FSTL5: variants seen among roughly 807,000 people sequenced by gnomAD.
FSTL5 encodes the protein follistatin like 5, also known as follistatin-related protein 5.
Under a neutral mutation model 89.1 loss-of-function variants are expected in FSTL5, and 62 were observed. That is an observed-to-expected ratio of 0.70 (90% CI 0.57 to 0.86). FSTL5 has a LOEUF of 0.86. Among genes scored for constraint, FSTL5 ranks in the 40% least tolerant of loss-of-function variants. The pLI is 0.00. For missense variants in FSTL5, 1,057 were observed against 1,001.6 expected (o/e 1.06, Z -0.75); for synonymous variants, 383 against 346.2 (o/e 1.11, Z -1.18).
chr4:162,053,910 T>G (rs1738459887), intron 2 of FSTL5, among the ~76,000 whole-genome samples: 1 of 151,718 alleles, frequency 6.6e-6, no homozygotes, highest in Admixed American at 6.6e-5. Flanking sequence ...CTATGCAAAT[T>G]TTTTCCAGAG....
chr4:161,829,139 T>TTATATA (rs56839306), intron 4 of FSTL5, among the ~76,000 whole-genome samples: 29,276 of 139,568 alleles, frequency 0.21, 3,162 homozygotes, highest in Admixed American at 0.24. Context: ...CAGTCACATT[T>TTATATA]TATATATATA....
At chr4:161,400,074 C>T (rs1374983436) in intron 15 of FSTL5, among the ~76,000 whole-genome samples, 2 of 151,962 alleles carry the variant, frequency 1.3e-5, no homozygotes, top group African/African-American at 4.8e-5. Context: ...ACTTTTATTT[C>T]ATTTCTTCAC....
chr4:162,028,147 G>A lies in FSTL5; in HGVS notation c.160+5478C>T, dbSNP rs1026065658. On this transcript the variant is annotated intron_variant, in intron 3 of 15. Transcript: ENST00000306100. Reference sequence around the variant, plus strand: ...ATATTTTCAAGGAGTAAGTTTTCTCGTCTTCTAGGTACTTGAGGATTATAA... The same window carrying A: ...ATATTTTCAAGGAGTAAGTTTTCTCATCTTCTAGGTACTTGAGGATTATAA... Among the ~76,000 whole-genome samples the A allele has an allele frequency of 1.3e-4, 20 of 152,138 alleles. No individual in the cohort carries two copies. The East Asian group carries it at 2.1e-3, about 16-fold the overall frequency.
At chr4:161,815,630 C>G (rs1391940921) in intron 4 of FSTL5, among the ~76,000 whole-genome samples, 1 of 151,810 alleles carries the variant, frequency 6.6e-6, no homozygotes, top group African/African-American at 2.4e-5. Context: ...CTTTATTCAG[C>G]TACCCACATA....
intron 2 of FSTL5, among the ~76,000 whole-genome samples, chr4:162,075,306 T>C (rs1317793726): frequency 6.6e-6 from 1 of 151,824 alleles, no homozygotes; most frequent in African/African-American, 2.4e-5. Context: ...GTTGGGTTTC[T>C]CCAATTAGAT....
intron 10 of FSTL5, among the ~76,000 whole-genome samples, chr4:161,527,403 A>G (rs1731261655): frequency 6.6e-6 from 1 of 152,208 alleles, no homozygotes; most frequent in African/African-American, 2.4e-5. Context: ...CATCTGACAA[A>G]GGGCTAATAG....
chr4:161,683,366 CAT>C (rs772399560), intron 6 of FSTL5, among the ~76,000 whole-genome samples: 1 of 151,984 alleles, frequency 6.6e-6, no homozygotes, highest in Non-Finnish European at 1.5e-5. Context: ...TTGATATTAA[CAT>C]ATATAAAATA....
At chr4:162,033,375 G>GA (rs1384085240) in intron 3 of FSTL5, among the ~76,000 whole-genome samples, 1 of 151,940 alleles carries the variant, frequency 6.6e-6, no homozygotes, top group African/African-American at 2.4e-5. Context: ...ACAATATAGG[G>GA]AAAAAACAAT....
At chr4:161,507,617 ATT>A (rs1578885657) in intron 11 of FSTL5, among the ~76,000 whole-genome samples, 1 of 151,712 alleles carries the variant, frequency 6.6e-6, no homozygotes, top group Non-Finnish European at 1.5e-5. Context: ...TAGTATTGTC[ATT>A]TTATACTCCT....
intron 1 of FSTL5, among the ~76,000 whole-genome samples, chr4:162,127,000 T>A (rs79492449): frequency 0.14 from 20,852 of 152,114 alleles, 1,947 homozygotes; most frequent in Non-Finnish European, 0.19. Context: ...CTGTCGTGGT[T>A]TTTTTAAGCA....
intron 3 of FSTL5, among the ~76,000 whole-genome samples, chr4:161,946,547 C>T (rs1264337446): frequency 2.6e-5 from 4 of 152,132 alleles, no homozygotes; most frequent in Non-Finnish European, 5.9e-5. Flanking sequence ...TTTCATTCAA[C>T]ATCATGTGAC....
intron 6 of FSTL5, among the ~76,000 whole-genome samples, chr4:161,687,527 G>A (rs1737787721): frequency 6.6e-6 from 1 of 152,014 alleles, no homozygotes; most frequent in South Asian, 2.1e-4. Flanking sequence ...TGAATGTCTA[G>A]GTCAGTATTT....
chr4:161,763,588 T>C (rs550599558), intron 5 of FSTL5, among the ~76,000 whole-genome samples: 1 of 152,278 alleles, frequency 6.6e-6, no homozygotes, highest in Admixed American at 6.5e-5. Flanking sequence ...TGTCCACTTA[T>C]TTACTCTCTT....
At chr4:161,542,782 TAAA>T in intron 8 of FSTL5, 89 bp from the exon 9 acceptor site, 1 of 708,300 alleles carries the variant, frequency 1.4e-6, no homozygotes, top group Non-Finnish European at 2.1e-6. Context: ...AGATAAATAA[TAAA>T]TTATATATTT....
chr4:162,016,033 T>C (rs1736907061), intron 3 of FSTL5, among the ~76,000 whole-genome samples: 1 of 152,164 alleles, frequency 6.6e-6, no homozygotes, highest in African/African-American at 2.4e-5. Context: ...TTCTCACAGA[T>C]ACAGTAAATA....
intron 15 of FSTL5, among the ~76,000 whole-genome samples, chr4:161,395,650 G>A (rs1385201877): frequency 6.6e-6 from 1 of 152,024 alleles, no homozygotes; most frequent in African/African-American, 2.4e-5. Flanking sequence ...ACAGCCAATA[G>A]GTTTTGAGGA....
chr4:161,524,125 G>A (rs760131856), intron 10 of FSTL5, among the ~76,000 whole-genome samples: 3 of 152,088 alleles, frequency 2.0e-5, no homozygotes, highest in Non-Finnish European at 4.4e-5. Flanking sequence ...TCTGAAGCTT[G>A]CTAGCTAAAA....
intron 2 of FSTL5, among the ~76,000 whole-genome samples, chr4:162,102,199 A>G (rs1731022558): frequency 1.3e-5 from 2 of 152,040 alleles, no homozygotes; most frequent in Non-Finnish European, 2.9e-5. Context: ...GAAGTCCAAC[A>G]GAAAAAAAAA....
At chr4:161,550,110 T>A (rs746720008) in intron 8 of FSTL5, among the ~76,000 whole-genome samples, 1 of 151,834 alleles carries the variant, frequency 6.6e-6, no homozygotes, top group Non-Finnish European at 1.5e-5. Context: ...GGGGAGGGTG[T>A]CCTCAGAAAG....
Sources: allele counts gnomAD v4.1 joint callset (sites outside exome capture counted in the v4.1 genomes callset), GRCh38; gene constraint gnomAD v4.1.1; transcripts MANE v1.5; gene names NCBI Gene and HGNC (gene_info 2026-07-23, HGNC 2026-07-21).